Variants in SF3B3 observed in about 807,000 individuals in gnomAD.
SF3B3 encodes the protein SAP 130.
In SF3B3, 33 loss-of-function variants were observed where a neutral mutation model predicts 139.2. The ratio of observed to expected loss-of-function variants is 0.24; its 90% confidence interval spans 0.18 to 0.32. The LOEUF (loss-of-function observed/expected upper bound fraction) is 0.32, where lower values mean the gene tolerates loss of function less well. Among genes scored for constraint, SF3B3 ranks in the 10% least tolerant of loss-of-function variants. SF3B3 has a pLI of 1.00. For synonymous variants in SF3B3, 596 were observed against 563.6 expected, an observed-to-expected ratio of 1.06 and a Z score of -0.81; for missense variants, 818 against 1,509.4, an observed-to-expected ratio of 0.54 and a Z score of 7.59.
intron 19 of SF3B3, 37 bp downstream of exon 19, chr16:70,565,307 G>A (rs536210464): frequency 6.2e-7 from 1 of 1,613,466 alleles, no homozygotes; most frequent in African/African-American, 1.3e-5. Context: ...TTGGCAGGCT[G>A]GAACAGGAGC....
At chr16:70,538,109 T>G in intron 6 of SF3B3, 1 of 708,442 alleles carries the variant, frequency 1.4e-6, no homozygotes, top group Non-Finnish European at 2.6e-6. Flanking sequence ...TAGAGTGGAA[T>G]TGGGACTCTT....
intron 10 of SF3B3, among the ~76,000 whole-genome samples, chr16:70,545,717 G>T (rs1157544340): frequency 2.6e-5 from 4 of 152,088 alleles, no homozygotes; most frequent in Admixed American, 2.0e-4. Flanking sequence ...CCACTTAATA[G>T]CTATTACTAA....
rs371937862 is a variant in SF3B3 at position 70,568,478 on chromosome 16, T to C, written c.3148T>C (p.Phe1050Leu). 5.0e-6 allele frequency: 8 copies of C among 1,613,666 alleles called. No individual in the cohort carries two copies. The highest frequency in any genetic ancestry group is 5.9e-6 in the Non-Finnish European group (7 of 1,179,754). ...DYDTVAGADK[F>L]GNICVVRLPP... is the part of the protein sequence containing the mutation. The stretch of plus-strand genomic sequence containing the variant: ...TGACACTGTGGCTGGGGCAGACAAG[T>C]TTGGCAACATATGTGTGGTGAGTTG... The change falls in exon 22 of 26, where the codon TTT becomes CTT. Residue 1050 changes from phenylalanine (F) to leucine (L), a missense_variant. Physicochemically the swap from Phe to Leu is conservative, Grantham distance 22. This residue lies in a region of SF3B3 where 91 missense variants were observed against 171.8 expected (regional missense o/e 0.53). Transcript: ENST00000302516.
Position 70,530,812 on chromosome 16 carries a change from A to G in SF3B3, c.465A>G (p.Ser155=). ...ATGCTGCAGCCCGACTTACCATTTC[A>G]TCTCCCCTGGAAGCCCACAAAGCAA... ...NRDAAARLTI[S]SPLEAHKANT... is the part of the protein sequence containing the mutation. Residue 155 remains serine (S), a synonymous_variant, in exon 4 of 26, where the codon TCA becomes TCG. Transcript: ENST00000302516. The G allele has an allele frequency of 3.1e-6, 5 of 1,614,126 alleles. No individual in the cohort carries two copies. Among genetic ancestry groups the G allele is most frequent in the South Asian group, 2.2e-5 (2 of 91,072 alleles).
At position 70,574,718 on chromosome 16, in the gene SF3B3, C is replaced by G. The variant is rs1472857945; in HGVS notation, c.*2905C>G. On this transcript the variant is annotated 3_prime_UTR_variant, in exon 26 of 26. Coordinates refer to ENST00000302516, the MANE Select transcript of SF3B3 (RefSeq NM_012426.5). ...ATGTTGGACAGGGTGGTCTCGAACT[C>G]CTGGCCTAAAGTGGTCCACCTAGCT... The G allele has an allele frequency of 6.6e-6, 1 of 152,248 alleles. No homozygotes were observed. Among genetic ancestry groups the G allele is most frequent in the African/African-American group, 2.4e-5 (1 of 41,458 alleles). The allele number at this position is 152,248 out of a possible 1,614,324, so 9.4% of individuals were successfully genotyped here. A position where few individuals can be genotyped will look rare whatever the true frequency, so the allele number is the denominator to read the frequency against.
At chr16:70,569,964 C>G (rs777485806) in intron 23 of SF3B3, 42 bp from the exon 24 acceptor site, 2 of 1,612,126 alleles carry the variant, frequency 1.2e-6, no homozygotes, top group Non-Finnish European at 1.7e-6. Context: ...CAGGGAGGCT[C>G]CTGAGGGTGC....
intron 16 of SF3B3, 51 bp from the exon 17 acceptor site, chr16:70,561,579 T>C: frequency 6.4e-7 from 1 of 1,561,934 alleles, no homozygotes. Flanking sequence ...TATACCATAT[T>C]TGTATTTTTT....
chr16:70,551,197 C>T (rs1430682411), intron 11 of SF3B3, among the ~76,000 whole-genome samples: 3 of 152,164 alleles, frequency 2.0e-5, no homozygotes, highest in Admixed American at 1.3e-4. Flanking sequence ...AAAGCATTCC[C>T]TCCTCTGGGG....
chr16:70,548,529 G>T, intron 11 of SF3B3, 87 bp downstream of exon 11: 1 of 1,162,332 alleles, frequency 8.6e-7, no homozygotes. Flanking sequence ...TAATACTTCT[G>T]TATCATTTCA....
chr16:70,529,795 G>A (rs946180918), intron 3 of SF3B3, among the ~76,000 whole-genome samples: 1 of 152,034 alleles, frequency 6.6e-6, no homozygotes, highest in African/African-American at 2.4e-5. Context: ...ATTTTTAAGA[G>A]ATGGGGGTCT....
intron 3 of SF3B3, among the ~76,000 whole-genome samples, chr16:70,530,442 C>A: frequency 6.6e-6 from 1 of 151,920 alleles, no homozygotes; most frequent in African/African-American, 2.4e-5. Context: ...GCCCCAGCCT[C>A]CCAAGTAGCT....
In SF3B3 at chr16:70,554,577, G is replaced by A; in HGVS notation, c.1534G>A (p.Gly512Arg). 6.2e-7 allele frequency: 1 copy of A among 1,614,170 alleles called. No individual in the cohort carries two copies. The change falls in exon 12 of 26, where the codon GGA becomes AGA. Residue 512 changes from glycine (G) to arginine (R), a missense_variant. By Grantham distance (125) the Gly-to-Arg change is moderately radical. This residue lies in a region of SF3B3 where 170 missense variants were observed against 353.0 expected (regional missense o/e 0.48). Coordinates refer to ENST00000302516, the MANE Select transcript of SF3B3 (RefSeq NM_012426.5). ...CCCGACCTTGTCCTGCTCCTTATTA[G>A]GAGATGATGCCTTGGTGCAGGTGAG... ...TTPTLSCSLL[G>R]DDALVQVYPD...
At chr16:70,538,021 C>A (rs2050184429) in intron 6 of SF3B3, 1 of 574,936 alleles carries the variant, frequency 1.7e-6, no homozygotes, top group South Asian at 1.4e-5. Context: ...GAAATGATGA[C>A]TCTTTAAAAA....
intron 4 of SF3B3, among the ~76,000 whole-genome samples, chr16:70,531,126 G>C (rs1428539966): frequency 6.6e-6 from 1 of 151,976 alleles, no homozygotes; most frequent in Non-Finnish European, 1.5e-5. Flanking sequence ...GAAAATAGCC[G>C]GGCATCGTGG....
At chr16:70,543,350 C>A (rs1257137515) in intron 9 of SF3B3, among the ~76,000 whole-genome samples, 3 of 149,956 alleles carry the variant, frequency 2.0e-5, no homozygotes, top group South Asian at 4.4e-4. Context: ...GCAGAGGTTG[C>A]GGTGAGCTGA....
intron 10 of SF3B3, 60 bp from the exon 11 acceptor site, chr16:70,548,310 G>T (rs1310567240): frequency 1.5e-6 from 2 of 1,354,574 alleles, no homozygotes; most frequent in Admixed American, 1.7e-5. Flanking sequence ...TGATGTGATT[G>T]TAAGCAGGTA....
intron 13 of SF3B3, 35 bp downstream of exon 13, chr16:70,555,241 G>A (rs766119198): frequency 3.2e-6 from 5 of 1,586,294 alleles, no homozygotes; most frequent in Non-Finnish European, 4.3e-6. Context: ...GGGACTTATT[G>A]TAGGGACCAG....
intron 11 of SF3B3, chr16:70,554,233 T>C (rs1004813890): frequency 6.8e-6 from 3 of 440,422 alleles, no homozygotes; most frequent in Non-Finnish European, 1.2e-5. Flanking sequence ...CAAGAAAATA[T>C]TGAGGAAGCA....
intron 18 of SF3B3, 63 bp from the exon 19 acceptor site, chr16:70,565,002 C>A: frequency 6.6e-7 from 1 of 1,505,216 alleles, no homozygotes; most frequent in Non-Finnish European, 9.2e-7. Flanking sequence ...GCTACCTATC[C>A]TCTTCTCAGC....
Sources: allele counts gnomAD v4.1 joint callset (sites outside exome capture counted in the v4.1 genomes callset), GRCh38; gene constraint gnomAD v4.1.1; regional missense constraint gnomAD v4.1.1; transcripts MANE v1.5; gene names NCBI Gene and HGNC (gene_info 2026-07-23, HGNC 2026-07-21).